The following CCDC178 variants were observed in gnomAD, a reference collection of about 807,000 sequenced individuals.
The protein encoded by CCDC178 is coiled-coil domain-containing protein 178.
A neutral mutation model predicts 117.4 loss-of-function variants in CCDC178; 126 were observed. That is an observed-to-expected ratio of 1.07 (90% CI 0.93 to 1.24). The LOEUF is 1.24. Ranked by LOEUF, CCDC178 falls within the 50% of genes most tolerant of loss-of-function variation. The probability of loss-of-function intolerance (pLI) is 0.00; values close to 1 mark genes in which losing one functional copy is unlikely to be tolerated. For synonymous variants in CCDC178, 283 were observed against 313.4 expected, an observed-to-expected ratio of 0.90 and a Z score of 1.02; for missense variants, 1,030 against 986.9, an observed-to-expected ratio of 1.04 and a Z score of -0.59.
At chr18:33,309,188 C>A (rs1426721814) in intron 11 of CCDC178, among the ~76,000 whole-genome samples, 37 of 143,328 alleles carry the variant, frequency 2.6e-4, no homozygotes, top group African/African-American at 2.8e-4. Context: ...TGTTTTTTGA[C>A]AAAAAAAAAA....
intron 21 of CCDC178, among the ~76,000 whole-genome samples, chr18:33,091,536 C>G (rs1254983768): frequency 6.6e-6 from 1 of 151,712 alleles, no homozygotes; most frequent in African/African-American, 2.4e-5. Context: ...AGGGTTTCAC[C>G]ATGTTGGCCA....
intron 21 of CCDC178, among the ~76,000 whole-genome samples, chr18:33,004,030 C>G (rs1016260096): frequency 4.6e-5 from 7 of 151,674 alleles, no homozygotes; most frequent in Non-Finnish European, 8.8e-5. Context: ...GAAAAGGACA[C>G]AAAAAAATAG....
chr18:33,046,022 C>T (rs545498880), intron 21 of CCDC178, among the ~76,000 whole-genome samples: 3 of 152,274 alleles, frequency 2.0e-5, no homozygotes, highest in South Asian at 4.1e-4. Context: ...GAGCCAAGAT[C>T]GTGCCATTGC....
At chr18:33,302,577 C>T in intron 11 of CCDC178, among the ~76,000 whole-genome samples, 1 of 152,142 alleles carries the variant, frequency 6.6e-6, no homozygotes, top group Non-Finnish European at 1.5e-5. Flanking sequence ...ATGTTCATCA[C>T]TACACTATGC....
chr18:33,077,089 C>G (rs2057221883), intron 21 of CCDC178, among the ~76,000 whole-genome samples: 1 of 152,178 alleles, frequency 6.6e-6, no homozygotes, highest in Non-Finnish European at 1.5e-5. Context: ...ATTGCTTAAT[C>G]ATATTCATGC....
intron 20 of CCDC178, among the ~76,000 whole-genome samples, chr18:33,195,779 T>C (rs911744356): frequency 3.9e-5 from 6 of 152,208 alleles, no homozygotes; most frequent in African/African-American, 1.2e-4. Flanking sequence ...AGTCCTATGA[T>C]AATAACTTAT....
intron 14 of CCDC178, 119 bp downstream of exon 14, chr18:33,266,797 T>A (rs2144767065): frequency 9.6e-7 from 1 of 1,044,442 alleles, no homozygotes; most frequent in Admixed American, 3.5e-5. Flanking sequence ...AACTTAAATT[T>A]TAAGCTACTG....
At chr18:33,055,196 C>G (rs997765952) in intron 21 of CCDC178, among the ~76,000 whole-genome samples, 11 of 151,964 alleles carry the variant, frequency 7.2e-5, no homozygotes, top group African/African-American at 2.7e-4. Context: ...CACACTGAAA[C>G]AATTTTCTCT....
chr18:33,098,038 C>T (rs974759795), intron 20 of CCDC178, among the ~76,000 whole-genome samples: 1 of 151,966 alleles, frequency 6.6e-6, no homozygotes, highest in African/African-American at 2.4e-5. Context: ...AATAATGCTA[C>T]CCTTGGAGAT....
chr18:33,136,226 G>C (rs1348713874), intron 20 of CCDC178: 1 of 152,108 alleles, frequency 6.6e-6, no homozygotes, highest in Non-Finnish European at 1.5e-5. Context: ...AATGTAATGG[G>C]GCTTAATATG....
intron 21 of CCDC178, 86 bp from the exon 22 acceptor site, chr18:32,974,767 A>G (rs1353459889): frequency 1.5e-5 from 20 of 1,372,486 alleles, no homozygotes; most frequent in Non-Finnish European, 1.7e-5. Flanking sequence ...ATGGAGGGAA[A>G]TATAGAAAGC....
intron 6 of CCDC178, among the ~76,000 whole-genome samples, chr18:33,366,517 C>T (rs1314630582): frequency 6.6e-6 from 1 of 151,938 alleles, no homozygotes; most frequent in Non-Finnish European, 1.5e-5. Context: ...AGATGATCTA[C>T]AACTCAAAAT....
At chr18:33,195,487 G>A (rs570393404) in intron 20 of CCDC178, among the ~76,000 whole-genome samples, 19 of 152,136 alleles carry the variant, frequency 1.2e-4, no homozygotes, top group African/African-American at 4.6e-4. Flanking sequence ...CGAACCTTAA[G>A]CTCAACACAC....
chr18:33,081,035 A>G (rs2057288650), intron 21 of CCDC178, among the ~76,000 whole-genome samples: 1 of 152,162 alleles, frequency 6.6e-6, no homozygotes, highest in Admixed American at 6.5e-5. Flanking sequence ...AAGACTCCCT[A>G]CAATAGAGGT....
chr18:33,079,508 A>G (rs2057264100), intron 21 of CCDC178, among the ~76,000 whole-genome samples: 1 of 152,234 alleles, frequency 6.6e-6, no homozygotes, highest in Non-Finnish European at 1.5e-5. Flanking sequence ...AATATGGGAG[A>G]AAATTTTTGC....
chr18:33,241,465 TGTGTAG>T (rs1388719865), intron 15 of CCDC178, among the ~76,000 whole-genome samples: 1 of 117,554 alleles, frequency 8.5e-6, no homozygotes, highest in African/African-American at 3.0e-5. Flanking sequence ...TGTGTGTGTG[TGTGTAG>T]AGAGAGACTC....
intron 21 of CCDC178, among the ~76,000 whole-genome samples, chr18:32,993,212 T>A (rs552719922): frequency 3.9e-5 from 6 of 152,130 alleles, no homozygotes; most frequent in African/African-American, 1.4e-4. Context: ...TAGGAAGCAG[T>A]ACTTGACTCT....
chr18:33,090,910 T>A (rs2057451981), intron 21 of CCDC178, among the ~76,000 whole-genome samples: 1 of 152,182 alleles, frequency 6.6e-6, no homozygotes, highest in East Asian at 1.9e-4. Flanking sequence ...AATTCCAAAA[T>A]GAGATCAAGA....
chr18:33,316,335 C>T (rs1230346432), intron 11 of CCDC178, among the ~76,000 whole-genome samples: 2 of 152,204 alleles, frequency 1.3e-5, no homozygotes, highest in African/African-American at 2.4e-5. Context: ...CGGCTGCAAG[C>T]CCAGGGCAGT....
Sources: allele counts gnomAD v4.1 joint callset (sites outside exome capture counted in the v4.1 genomes callset), GRCh38; gene constraint gnomAD v4.1.1; transcripts MANE v1.5; gene names NCBI Gene and HGNC (gene_info 2026-07-23, HGNC 2026-07-21).